Variants in GRM8 observed in about 807,000 individuals in gnomAD.
GRM8 encodes metabotropic glutamate receptor 8.
GRM8 carries 47 observed loss-of-function variants against 87.2 expected under a neutral mutation model. The observed-to-expected ratio is 0.54, with a 90% CI of 0.43 to 0.69. GRM8 has a LOEUF of 0.69. Among genes scored for constraint, GRM8 ranks in the 30% least tolerant of loss-of-function variants. GRM8 has a pLI of 0.00. For synonymous variants in GRM8, 396 were observed against 404.5 expected (o/e 0.98, Z 0.25); for missense variants, 1,019 against 1,139.2 (o/e 0.89, Z 1.52).
At chr7:126,512,344 CCT>C (rs960721035) in intron 9 of GRM8, 1 of 152,106 alleles carries the variant, frequency 6.6e-6, no homozygotes, top group Admixed American at 6.6e-5. Flanking sequence ...CATATTATTC[CCT>C]GATAGTCTGA....
chr7:126,532,762 GAGATATATATATATATATATAT>G (rs1300360981), intron 9 of GRM8, among the ~76,000 whole-genome samples, 168 bp downstream of exon 9: 3 of 80,526 alleles, frequency 3.7e-5, no homozygotes, highest in African/African-American at 8.9e-5. Flanking sequence ...TTGACGGATG[GAGATATATATATATATATATAT>G]ATATATATAT....
chr7:127,205,187 A>G (rs1325615029), intron 2 of GRM8, among the ~76,000 whole-genome samples: 1 of 152,132 alleles, frequency 6.6e-6, no homozygotes, highest in African/African-American at 2.4e-5. Context: ...CTGGCCCTGT[A>G]TGTTATTTTT....
chr7:126,750,396 T>C (rs560740800), intron 7 of GRM8, among the ~76,000 whole-genome samples: 1 of 152,166 alleles, frequency 6.6e-6, no homozygotes, highest in African/African-American at 2.4e-5. Context: ...GCAGTGGTGG[T>C]TACACCACTG....
At chr7:126,853,762 G>T (rs1020291866) in intron 6 of GRM8, among the ~76,000 whole-genome samples, 2 of 152,264 alleles carry the variant, frequency 1.3e-5, no homozygotes, top group African/African-American at 4.8e-5. Flanking sequence ...TATGCCTGGA[G>T]GTGTGCTCCT....
At chr7:126,938,943 C>G (rs1250323929) in intron 3 of GRM8, among the ~76,000 whole-genome samples, 2 of 152,158 alleles carry the variant, frequency 1.3e-5, no homozygotes, top group Non-Finnish European at 2.9e-5. Flanking sequence ...TACCTAGACT[C>G]TCTAAGCCTC....
At chr7:126,571,963 G>A (rs62479322) in intron 8 of GRM8, among the ~76,000 whole-genome samples, 19,514 of 151,870 alleles carry the variant, frequency 0.13, 1,557 homozygotes, top group South Asian at 0.17. Context: ...GGCTGGTCTC[G>A]AACTCCTGAC....
intron 3 of GRM8, among the ~76,000 whole-genome samples, chr7:127,077,754 T>C (rs1424313839): frequency 6.6e-6 from 1 of 152,226 alleles, no homozygotes. Context: ...AACTTATTTT[T>C]ACTCTTCTTT....
intron 3 of GRM8, among the ~76,000 whole-genome samples, chr7:127,064,028 A>C (rs1483014569): frequency 1.3e-5 from 2 of 152,130 alleles, no homozygotes; most frequent in African/African-American, 4.8e-5. Context: ...TTTGTTGAGG[A>C]TTATTTTATG....
chr7:127,058,332 C>A, intron 3 of GRM8: 2 of 306,918 alleles, frequency 6.5e-6, no homozygotes, highest in South Asian at 2.6e-5. Context: ...TCTATTAAAA[C>A]TTCCTAGATC....
chr7:126,470,017 G>A (rs1163065296), intron 9 of GRM8, among the ~76,000 whole-genome samples: 1 of 152,078 alleles, frequency 6.6e-6, no homozygotes, highest in African/African-American at 2.4e-5. Context: ...ATGAATCCAG[G>A]CTGAGGTAGT....
At chr7:126,473,425 T>C (rs895516672) in intron 9 of GRM8, among the ~76,000 whole-genome samples, 1 of 152,214 alleles carries the variant, frequency 6.6e-6, no homozygotes, top group African/African-American at 2.4e-5. Flanking sequence ...CCCCTTCATT[T>C]TGGCGAATTT....
intron 2 of GRM8, among the ~76,000 whole-genome samples, chr7:127,237,479 G>A (rs1386475253): frequency 9.2e-5 from 14 of 152,198 alleles, no homozygotes; most frequent in Admixed American, 9.2e-4. Context: ...TACAATTGGT[G>A]GAGTCTCTTG....
intron 6 of GRM8, among the ~76,000 whole-genome samples, chr7:126,814,450 G>A (rs1311253401): frequency 1.3e-5 from 2 of 151,958 alleles, no homozygotes; most frequent in African/African-American, 2.4e-5. Context: ...CTATACAACT[G>A]GAAGGCTACT....
chr7:127,066,210 A>T (rs1004347343), intron 3 of GRM8, among the ~76,000 whole-genome samples: 5 of 152,204 alleles, frequency 3.3e-5, no homozygotes, highest in Admixed American at 1.3e-4. Context: ...CCAATCACTC[A>T]CTGAACACAT....
intron 6 of GRM8, among the ~76,000 whole-genome samples, chr7:126,871,938 A>C (rs1799134797): frequency 6.6e-6 from 1 of 152,192 alleles, no homozygotes; most frequent in African/African-American, 2.4e-5. Context: ...CTTTTAATAT[A>C]TATGATTCAT....
chr7:126,857,866 T>C (rs1797820353), intron 6 of GRM8, among the ~76,000 whole-genome samples: 3 of 152,128 alleles, frequency 2.0e-5, no homozygotes, highest in Non-Finnish European at 4.4e-5. Flanking sequence ...GGAGGATCTC[T>C]TGAGCCCAGA....
chr7:127,187,941 G>C (rs780364438), intron 2 of GRM8, among the ~76,000 whole-genome samples: 2 of 152,058 alleles, frequency 1.3e-5, no homozygotes, highest in Non-Finnish European at 2.9e-5. Context: ...TTCCTCCACC[G>C]AACTCATTTG....
At chr7:126,929,129 A>G (rs1805466404) in intron 3 of GRM8, among the ~76,000 whole-genome samples, 1 of 152,250 alleles carries the variant, frequency 6.6e-6, no homozygotes, top group African/African-American at 2.4e-5. Flanking sequence ...TAAAGGAATT[A>G]ATAAGTAAGC....
chr7:127,235,032 C>T (rs1797903191), intron 2 of GRM8, among the ~76,000 whole-genome samples: 1 of 152,272 alleles, frequency 6.6e-6, no homozygotes, highest in South Asian at 2.1e-4. Context: ...TTTACATAGA[C>T]CCTGACTTAT....
Sources: allele counts gnomAD v4.1 joint callset (sites outside exome capture counted in the v4.1 genomes callset), GRCh38; gene constraint gnomAD v4.1.1; transcripts MANE v1.5; gene names NCBI Gene and HGNC (gene_info 2026-07-23, HGNC 2026-07-21).